IL3RA: variants seen among roughly 807,000 people sequenced by gnomAD.
IL3RA encodes the protein interleukin 3 receptor subunit alpha, also known as interleukin-3 receptor subunit alpha.
In IL3RA, 73 loss-of-function variants were observed where a neutral mutation model predicts 52.3. The observed-to-expected ratio is 1.40, with a 90% CI of 1.16 to 1.70. The LOEUF (loss-of-function observed/expected upper bound fraction) is 1.70, where lower values mean the gene tolerates loss of function less well. Ranked by LOEUF, IL3RA falls within the 40% of genes most tolerant of loss-of-function variation. The pLI is 0.00. For missense variants in IL3RA, 664 were observed against 504.4 expected (o/e 1.32, Z -3.03); for synonymous variants, 260 against 194.0 (o/e 1.34, Z -2.83).
rs1351077778 is a variant in IL3RA, at chrX:1,378,548, AC to A, written c.875-107del. On this transcript the variant is annotated intron_variant, in intron 9 of 11. Coordinates refer to ENST00000331035, the MANE Select transcript of IL3RA (RefSeq NM_002183.4). The stretch of plus-strand genomic sequence containing the variant: ...ACTGGGGTGTCCCCCCCTGGACGCC[AC>A]CCCATATGGCAGCCACCTCTCTGCT... 7.6e-6 allele frequency: 7 copies of A among 916,834 alleles called. No homozygotes were observed. In the African/African-American group the frequency reaches 9.8e-5, roughly 13 times the overall value. The allele number at this position is 916,834 out of a possible 1,614,324, so 56.8% of individuals were successfully genotyped here.
Position 1,365,227 on chromosome X carries a change from C to A in IL3RA, c.849C>A (p.Ser283Arg). ...GGGAAAGAGTGTATGAATTCTTGAG[C>A]GCCTGGAGCACCCCCCAGCGCTTCG... Reference protein sequence around the residue: ...RARERVYEFLSAWSTPQRFEC... With the variant: ...RARERVYEFLRAWSTPQRFEC... The change falls in exon 9 of 12, where the codon AGC (serine) becomes AGA (arginine). Residue 283 changes from serine to arginine, a missense_variant. Ser to Arg is a moderately radical substitution (Grantham distance 110). Transcript: ENST00000331035. 1 of 1,609,790 alleles carries A rather than the reference C, an allele frequency of 6.2e-7. No homozygotes were observed. The highest frequency in any genetic ancestry group is 1.3e-5 in the African/African-American group (1 of 74,784).
At chrX:1,346,331 T>C (rs1460557205) in intron 3 of IL3RA, among the ~76,000 whole-genome samples, 1 of 151,762 alleles carries the variant, frequency 6.6e-6, no homozygotes, top group African/African-American at 2.4e-5. Context: ...CCCAGTTACT[T>C]GGGAGGCTGA....
intron 8 of IL3RA, 92 bp from the exon 9 acceptor site, chrX:1,365,046 T>G (rs2076448004): frequency 1.2e-6 from 1 of 815,958 alleles, no homozygotes; most frequent in Non-Finnish European, 2.1e-6. Context: ...TGACCTCAGG[T>G]GATCCACCTG....
intron 10 of IL3RA, among the ~76,000 whole-genome samples, chrX:1,380,458 G>GAGATGGGGGAGGAGGA (rs2089102964): frequency 2.8e-4 from 1 of 3,520 alleles, no homozygotes; most frequent in Non-Finnish European, 6.4e-4. Flanking sequence ...GGGGAGGAGG[G>GAGATGGGGGAGGAGGA]GGGAAGGGAG....
At chrX:1,348,710 C>CTTTCTCTTTCTTTCTGTT (rs1435960486) in intron 4 of IL3RA, among the ~76,000 whole-genome samples, 165 bp downstream of exon 4, 3 of 87,012 alleles carry the variant, frequency 3.4e-5, no homozygotes, top group Non-Finnish European at 6.5e-5. Context: ...CTTTCTGTTT[C>CTTTCTCTTTCTTTCTGTT]TGTTTCTTTC....
intron 9 of IL3RA, among the ~76,000 whole-genome samples, chrX:1,368,035 G>A (rs1192642522): frequency 1.3e-5 from 2 of 152,048 alleles, no homozygotes; most frequent in Non-Finnish European, 2.9e-5. Flanking sequence ...CGAGGCGGGC[G>A]GATCACAAGG....
At chrX:1,348,099 C>G (rs1336777009) in intron 3 of IL3RA, among the ~76,000 whole-genome samples, 1 of 149,652 alleles carries the variant, frequency 6.7e-6, no homozygotes, top group South Asian at 2.1e-4. Context: ...GTAATCCCAG[C>G]ACTTTGGGAG....
Position 1,352,144 on chromosome X carries a change from C to T in IL3RA, c.343C>T (p.His115Tyr), listed in dbSNP as rs1350430370. ...AGAENLTCWI[H>Y]DVDFLSCSWA... ...TGCGGAGAATCTGACCTGCTGGATT[C>T]ATGACGTGGATTTCTTGAGCTGCAG... is the stretch of plus-strand genomic sequence containing the variant. Residue 115 changes from histidine to tyrosine, a missense_variant, in exon 5 of 12, where the codon CAT becomes TAT. Physicochemically the swap from His to Tyr is moderately conservative, Grantham distance 83 (BLOSUM62 2). Coordinates refer to ENST00000331035, the MANE Select transcript of IL3RA (RefSeq NM_002183.4). 13 of 1,613,748 alleles carry T rather than the reference C, an allele frequency of 8.1e-6. No homozygotes were observed. The highest frequency in any genetic ancestry group is 1.1e-5 in the Non-Finnish European group (13 of 1,179,844).
chrX:1,376,988 T>C (rs2088794450), intron 9 of IL3RA, among the ~76,000 whole-genome samples: 1 of 140,572 alleles, frequency 7.1e-6, no homozygotes, highest in Admixed American at 7.2e-5. Flanking sequence ...ATGTGTTTTG[T>C]TTCTAAGCCG....
At chrX:1,345,608 A>G (rs1323355009) in intron 3 of IL3RA, among the ~76,000 whole-genome samples, 174 bp downstream of exon 3, 13 of 151,344 alleles carry the variant, frequency 8.6e-5, no homozygotes, top group Non-Finnish European at 1.5e-4. Flanking sequence ...TCCTGCCTCA[A>G]CCTCCCGAGT....
chrX:1,355,479 G>A (rs1171002488), intron 6 of IL3RA, among the ~76,000 whole-genome samples: 3 of 144,428 alleles, frequency 2.1e-5, no homozygotes, highest in African/African-American at 7.6e-5. Flanking sequence ...GGAGGAGGAG[G>A]AGGGGGCCAG....
At chrX:1,340,915 G>A (rs2085463117) in intron 1 of IL3RA, among the ~76,000 whole-genome samples, 5 of 152,092 alleles carry the variant, frequency 3.3e-5, no homozygotes, top group Admixed American at 3.3e-4. Flanking sequence ...TCAGGAGTTC[G>A]AGACCAGCCT....
intron 8 of IL3RA, among the ~76,000 whole-genome samples, chrX:1,361,496 A>G (rs1250240890): frequency 6.6e-6 from 1 of 152,108 alleles, no homozygotes; most frequent in Non-Finnish European, 1.5e-5. Flanking sequence ...TCATGCCTGT[A>G]ATCACAGCAC....
chrX:1,352,300 C>G (rs776546469), intron 5 of IL3RA, 22 bp from the exon 6 acceptor site: 19 of 1,613,382 alleles, frequency 1.2e-5, no homozygotes, highest in Admixed American at 1.7e-5. Flanking sequence ...GGGTCGTCCC[C>G]CAACCTTACC....
chrX:1,382,339 C>T (rs147384976), intron 11 of IL3RA, 52 bp from the exon 12 acceptor site: 31,722 of 1,349,142 alleles, frequency 0.024, 1,124 homozygotes, highest in East Asian at 0.16. Context: ...AGGACGTGGG[C>T]TCTGTTATCT....
intron 8 of IL3RA, among the ~76,000 whole-genome samples, chrX:1,359,178 A>G (rs1399658623): frequency 7.9e-5 from 12 of 151,940 alleles, no homozygotes; most frequent in Non-Finnish European, 1.6e-4. Flanking sequence ...GCCAGATGCT[A>G]TGGCTGGCCA....
chrX:1,350,003 C>T (rs1287543875), intron 4 of IL3RA, among the ~76,000 whole-genome samples: 4 of 151,552 alleles, frequency 2.6e-5, no homozygotes, highest in South Asian at 2.1e-4. Context: ...TATGCCGAGT[C>T]GGAAAAAAAA....
At chrX:1,378,220 AAC>A (rs374168482) in intron 9 of IL3RA, among the ~76,000 whole-genome samples, 1 of 151,546 alleles carries the variant, frequency 6.6e-6, no homozygotes, top group African/African-American at 2.4e-5. Context: ...AGAAAAAATT[AAC>A]ACACACACAC....
intron 6 of IL3RA, among the ~76,000 whole-genome samples, chrX:1,355,518 GA>G (rs1454144762): frequency 2.0e-5 from 3 of 149,020 alleles, no homozygotes; most frequent in African/African-American, 7.4e-5. Context: ...GGGCCCAGGG[GA>G]GACCCAGCCA....
Sources: allele counts gnomAD v4.1 joint callset (sites outside exome capture counted in the v4.1 genomes callset), GRCh38; gene constraint gnomAD v4.1.1; transcripts MANE v1.5; gene names NCBI Gene and HGNC (gene_info 2026-07-23, HGNC 2026-07-21).